Variants in UTP15 observed in about 807,000 individuals in gnomAD.
UTP15 encodes the protein UTP15 small subunit processome component.
UTP15 carries 5 observed loss-of-function variants against 59.1 expected under a neutral mutation model. The ratio of observed to expected loss-of-function variants is 0.08; its 90% CI spans 0.04 to 0.18. UTP15 has a LOEUF of 0.18. Ranked by LOEUF, UTP15 falls within the 10% of genes least tolerant of loss-of-function variation. UTP15 has a pLI of 1.00. For synonymous variants in UTP15, 211 were observed against 212.2 expected (o/e 0.99, Z 0.05); for missense variants, 494 against 616.7 (o/e 0.80, Z 2.11).
intron 2 of UTP15, 106 bp from the exon 3 acceptor site, chr5:73,568,129 G>A: frequency 1.2e-6 from 1 of 818,708 alleles, no homozygotes; most frequent in Non-Finnish European, 1.8e-6. Flanking sequence ...TACAACTTAA[G>A]AAATGTTACT....
intron 12 of UTP15, 125 bp from the exon 13 acceptor site, chr5:73,579,752 T>C (rs1355970980): frequency 3.9e-6 from 2 of 518,608 alleles, no homozygotes; most frequent in African/African-American, 3.9e-5. Flanking sequence ...TAATTAATTA[T>C]AAAATAAGTA....
chr5:73,572,377 C>T, intron 6 of UTP15, 112 bp from the exon 7 acceptor site: 10 of 1,416,706 alleles, frequency 7.1e-6, no homozygotes, highest in Non-Finnish European at 9.6e-6. Context: ...GCCTGGACTC[C>T]CTCACTCAGC....
intron 5 of UTP15, among the ~76,000 whole-genome samples, chr5:73,570,085 A>G (rs1031513166): frequency 1.3e-5 from 2 of 152,042 alleles, no homozygotes; most frequent in Non-Finnish European, 2.9e-5. Context: ...ACCTACCTCA[A>G]TTTCCTCCCG....
At chr5:73,579,479 C>A in intron 12 of UTP15, 104 bp downstream of exon 12, 3 of 895,574 alleles carry the variant, frequency 3.3e-6, no homozygotes, top group Non-Finnish European at 5.1e-6. Context: ...TTGCTTTTAT[C>A]AAATCTCAAT....
chr5:73,571,205 C>T lies in UTP15; in HGVS notation c.673+494C>T, dbSNP rs1476064220. Among the ~76,000 whole-genome samples, 3 of 151,402 alleles carry T rather than the reference C, an allele frequency of 2.0e-5. No homozygotes were observed. In the East Asian group the frequency reaches 5.8e-4, roughly 29 times the overall value. ...TTTAACCCCAGAAATTTAGCTCATA[C>T]TCCTTTTACTCCTACCTAAGAGATC... is the stretch of plus-strand genomic sequence containing the variant. On this transcript the variant is annotated intron_variant, in intron 6 of 12. Transcript: ENST00000296792.
rs1456160974 is a variant in UTP15 at position 73,565,783 on chromosome 5, C to T, written c.-213C>T. 6.6e-6 allele frequency: 3 copies of T among 456,290 alleles called. No homozygotes were observed. Among genetic ancestry groups the T allele is most frequent in the East Asian group, 1.4e-4 (2 of 14,380 alleles). The allele number at this position is 456,290 out of a possible 1,614,324, so 28.3% of individuals were successfully genotyped here. A position where few individuals can be genotyped will look rare whatever the true frequency, so the allele number is the denominator to read the frequency against. On this transcript the variant is annotated 5_prime_UTR_variant, in exon 1 of 13. Transcript: ENST00000296792. Reference sequence around the variant, plus strand: ...GACGTTCGGTTCGCTGTGTGTGTCGCCGGCTCCTTGAGGGTCCATGTGATT... The same window carrying T: ...GACGTTCGGTTCGCTGTGTGTGTCGTCGGCTCCTTGAGGGTCCATGTGATT...
In UTP15 at chr5:73,572,747, C is replaced by A. The variant is rs533828000; in HGVS notation, c.809+123C>A. Reference sequence around the variant, plus strand: ...GATAATGATTTCCAGGAGAAAAAAACCTGTTGAGTTGAAAATAGTTTTGAC... The same window carrying A: ...GATAATGATTTCCAGGAGAAAAAAAACTGTTGAGTTGAAAATAGTTTTGAC... On this transcript the variant is annotated intron_variant, in intron 7 of 12. Transcript: ENST00000296792. 409 of 986,530 alleles carry A rather than the reference C, an allele frequency of 4.1e-4. 5 individuals are homozygous for A. The South Asian group carries it at 7.8e-3, about 19-fold the overall frequency. 61.1% of individuals were successfully genotyped at this position (986,530 alleles called of 1,614,324 possible).
chr5:73,566,621 CTT>C (rs777230541), intron 1 of UTP15, among the ~76,000 whole-genome samples: 5 of 152,188 alleles, frequency 3.3e-5, no homozygotes, highest in Admixed American at 1.3e-4. Flanking sequence ...CATTGAATCT[CTT>C]TTGCAATTGA....
Position 73,565,785 on chromosome 5 carries a change from G to A in UTP15, c.-211G>A, listed in dbSNP as rs1336163403. The A allele has an allele frequency of 2.2e-6, 1 of 456,116 alleles. No individual in the cohort carries two copies. The highest frequency in any genetic ancestry group is 4.4e-6 in the Non-Finnish European group (1 of 226,964). The allele number at this position is 456,116 out of a possible 1,614,324, so 28.3% of individuals were successfully genotyped here. Reference sequence around the variant, plus strand: ...CGTTCGGTTCGCTGTGTGTGTCGCCGGCTCCTTGAGGGTCCATGTGATTTT... The same window carrying A: ...CGTTCGGTTCGCTGTGTGTGTCGCCAGCTCCTTGAGGGTCCATGTGATTTT... On this transcript the variant is annotated 5_prime_UTR_variant, in exon 1 of 13. Transcript: ENST00000296792.
At chr5:73,575,335 T>A (rs1748058104) in intron 7 of UTP15, among the ~76,000 whole-genome samples, 1 of 152,240 alleles carries the variant, frequency 6.6e-6, no homozygotes, top group South Asian at 2.1e-4. Context: ...AGAGTGATTT[T>A]TGTTCCTCAA....
At position 73,578,733 on chromosome 5, in the gene UTP15, A is replaced by G. The variant is rs746091377; in HGVS notation, c.1045-18A>G. On this transcript the variant is annotated intron_variant, in intron 9 of 12. Coordinates refer to ENST00000296792, the MANE Select transcript of UTP15 (RefSeq NM_032175.4). ...AGATGCTGATTTTCCTTCTCTATAA[A>G]TGTACTTTTCATTGCAGGATGACAT... The G allele has an allele frequency of 3.1e-6, 5 of 1,607,762 alleles. No homozygotes were observed. Among genetic ancestry groups the G allele is most frequent in the Non-Finnish European group, 4.3e-6 (5 of 1,174,426 alleles).
intron 5 of UTP15, among the ~76,000 whole-genome samples, chr5:73,569,901 T>C (rs111366538): frequency 0.058 from 8,850 of 152,222 alleles, 909 homozygotes; most frequent in African/African-American, 0.2. Context: ...GATGTGACCA[T>C]AGCTCACTGC....
intron 1 of UTP15, 71 bp from the exon 2 acceptor site, chr5:73,567,191 A>G (rs1747800744): frequency 2.3e-6 from 1 of 442,504 alleles, no homozygotes; most frequent in Admixed American, 4.2e-5. Flanking sequence ...CAGACTTTTT[A>G]AAGAAAGCAG....
At chr5:73,576,844 C>T in intron 7 of UTP15, 108 bp from the exon 8 acceptor site, 1 of 726,424 alleles carries the variant, frequency 1.4e-6, no homozygotes, top group Non-Finnish European at 2.3e-6. Context: ...TGTTTTTCTT[C>T]ACTGTTGTAC....
chr5:73,573,670 G>A (rs527608105), intron 7 of UTP15, among the ~76,000 whole-genome samples: 9 of 149,758 alleles, frequency 6.0e-5, no homozygotes, highest in South Asian at 4.2e-4. Context: ...TCTGCTTCCC[G>A]GGTTCAAGCG....
In UTP15 at chr5:73,568,485, A is replaced by T; in HGVS notation, c.249A>T (p.Ala83=). 6.2e-7 allele frequency: 1 copy of T among 1,614,184 alleles called. No homozygotes were observed. The highest frequency in any genetic ancestry group is 8.5e-7 in the Non-Finnish European group (1 of 1,180,000). ...IKTFSRFKDT[A]YCATFRQDGR... ...CCTTTTCTCGATTTAAAGACACAGC[A>T]TACTGTGCTACTTTTCGACAAGATG... is the stretch of plus-strand genomic sequence containing the variant. Residue 83 remains alanine (A), a synonymous_variant, in exon 4 of 13, where the codon GCA becomes GCT. Coordinates refer to ENST00000296792, the MANE Select transcript of UTP15 (RefSeq NM_032175.4).
intron 6 of UTP15, among the ~76,000 whole-genome samples, 186 bp downstream of exon 6, chr5:73,570,897 G>A (rs1367698761): frequency 1.3e-5 from 2 of 152,234 alleles, no homozygotes; most frequent in African/African-American, 2.4e-5. Context: ...GCCAGGCACT[G>A]TGCTGTTACA....
rs192742667 is a variant in UTP15, at chr5:73,569,537, G to A, written c.409G>A (p.Val137Met). 3.0e-5 allele frequency: 48 copies of A among 1,611,440 alleles called. No homozygotes were observed. The highest frequency in any genetic ancestry group is 2.7e-4 in the African/African-American group (20 of 74,802). The change falls in exon 5 of 13, where the codon GTG (valine) becomes ATG (methionine). Residue 137 changes from valine to methionine, a missense_variant. Val to Met is a conservative substitution (Grantham distance 21). Transcript: ENST00000296792. Reference sequence around the variant, plus strand: ...AGATTTTACAGCTGACAAATATCACGTGGTCTCTGGGGCTGATGATTATAC... The same window carrying A: ...AGATTTTACAGCTGACAAATATCACATGGTCTCTGGGGCTGATGATTATAC... ...TVDFTADKYHVVSGADDYTVK... is the reference protein window; with the variant it reads ...TVDFTADKYHMVSGADDYTVK...
At position 73,579,970 on chromosome 5, in the gene UTP15, G is replaced by C; in HGVS notation, c.1433G>C (p.Arg478Thr). Residue 478 changes from arginine to threonine, a missense_variant, in exon 13 of 13, where the codon AGA becomes ACA. Arg to Thr is a moderately conservative substitution (Grantham distance 71). Transcript: ENST00000296792. ...GLVEKEIDYQ[R>T]ELLETLGMMD... ...GTAGAAAAAGAGATTGATTACCAAA[G>C]AGAATTGTTAGAAACCTTGGGGATG... The C allele has an allele frequency of 6.2e-7, 1 of 1,613,864 alleles. No individual in the cohort carries two copies. Among genetic ancestry groups the C allele is most frequent in the Non-Finnish European group, 8.5e-7 (1 of 1,179,856 alleles).
Sources: gnomAD v4.1 joint callset for allele counts (sites outside exome capture counted in the v4.1 genomes callset) on GRCh38, gnomAD v4.1.1 for gene constraint, MANE v1.5 for transcripts, NCBI Gene and HGNC (gene_info 2026-07-23, HGNC 2026-07-21) for gene names.